The following PDE3B variants were observed in gnomAD, a reference collection of about 807,000 sequenced individuals.
PDE3B encodes phosphodiesterase 3B, also known as cGMP-inhibited 3',5'-cyclic phosphodiesterase 3B.
In PDE3B, 66 loss-of-function variants were observed where a neutral mutation model predicts 116.8. The observed-to-expected ratio is 0.56, with a 90% CI of 0.46 to 0.69. The LOEUF is 0.69. Among genes scored for constraint, PDE3B ranks in the 30% least tolerant of loss-of-function variants. The pLI is 0.00. For synonymous variants in PDE3B, 595 were observed against 533.6 expected (o/e 1.12, Z -1.59); for missense variants, 1,384 against 1,368.1 (o/e 1.01, Z -0.18).
intron 2 of PDE3B, 99 bp from the exon 3 acceptor site, chr11:14,786,338 C>CATAT (rs140703300): frequency 1.0e-5 from 8 of 774,634 alleles, no homozygotes; most frequent in African/African-American, 3.6e-5. Context: ...TTATTTGCTA[C>CATAT]ATATATATAT....
rs190988387 is a variant in PDE3B, at chr11:14,733,490, A to G, written c.979-38447A>G. Among the ~76,000 whole-genome samples the G allele has an allele frequency of 2.0e-3, 299 of 152,320 alleles. 1 individual carries two copies. The highest frequency in any genetic ancestry group is 6.6e-3 in the African/African-American group (275 of 41,566). On this transcript the variant is annotated intron_variant, in intron 1 of 15. Transcript: ENST00000282096. ...GAGTTCTGAAATCTTGGTGAATTAAATTCATGAATGCTACCATAGTGATTT... is the reference window on the plus strand; with the variant it reads ...GAGTTCTGAAATCTTGGTGAATTAAGTTCATGAATGCTACCATAGTGATTT...
At chr11:14,682,343 T>A (rs1854736477) in intron 1 of PDE3B, among the ~76,000 whole-genome samples, 2 of 152,234 alleles carry the variant, frequency 1.3e-5, no homozygotes, top group African/African-American at 4.8e-5. Flanking sequence ...TTATTTGTTA[T>A]TTTCCTGCTT....
At chr11:14,737,950 A>C (rs546441679) in intron 1 of PDE3B, among the ~76,000 whole-genome samples, 164 of 152,270 alleles carry the variant, frequency 1.1e-3, no homozygotes, top group African/African-American at 3.2e-3. Flanking sequence ...ACATGAACTC[A>C]TCATTTTTTA....
chr11:14,715,070 G>A (rs1267961386), intron 1 of PDE3B, among the ~76,000 whole-genome samples: 1 of 151,974 alleles, frequency 6.6e-6, no homozygotes, highest in Non-Finnish European at 1.5e-5. Flanking sequence ...AATAAAGATT[G>A]TATGTGAATG....
At chr11:14,726,409 A>G (rs1407092030) in intron 1 of PDE3B, among the ~76,000 whole-genome samples, 1 of 152,032 alleles carries the variant, frequency 6.6e-6, no homozygotes, top group African/African-American at 2.4e-5. Context: ...ATTTTTTTTT[A>G]GTGAATGAAT....
the PDE3B span, among the ~76,000 whole-genome samples, chr11:14,885,536 AT>A: frequency 2.0e-5 from 3 of 152,172 alleles, no homozygotes; most frequent in East Asian, 5.8e-4. Context: ...TTAGGTGTTG[AT>A]TCTTTAAAAC....
chr11:14,788,836 A>C, intron 3 of PDE3B: 1 of 237,226 alleles, frequency 4.2e-6, no homozygotes, highest in Non-Finnish European at 8.0e-6. Flanking sequence ...GTTTCTTATG[A>C]AACAAGTAGT....
chr11:14,734,112 C>T (rs1856534168), intron 1 of PDE3B, among the ~76,000 whole-genome samples: 1 of 152,170 alleles, frequency 6.6e-6, no homozygotes, highest in African/African-American at 2.4e-5. Flanking sequence ...TGATCTGCTG[C>T]CCAGGCTGGA....
chr11:14,880,702 C>T, the PDE3B span: 14 of 1,597,266 alleles, frequency 8.8e-6, no homozygotes, highest in South Asian at 1.1e-5. Context: ...TCCAAAATAT[C>T]GAAAACTGTT....
chr11:14,688,113 T>TCTCTCTCTC (rs1854931993), intron 1 of PDE3B, among the ~76,000 whole-genome samples: 1 of 109,880 alleles, frequency 9.1e-6, no homozygotes, highest in African/African-American at 3.5e-5. Flanking sequence ...CTCTCTCTCT[T>TCTCTCTCTC]TCTCTCTCTC....
chr11:14,662,319 A>G (rs1225760633), intron 1 of PDE3B, among the ~76,000 whole-genome samples: 1 of 152,194 alleles, frequency 6.6e-6, no homozygotes, highest in Non-Finnish European at 1.5e-5. Flanking sequence ...CATCACCATC[A>G]TCAAAGACCA....
In PDE3B at chr11:14,643,948, C is replaced by A; in HGVS notation, c.-128C>A. On this transcript the variant is annotated 5_prime_UTR_variant, in exon 1 of 16. Coordinates refer to ENST00000282096, the MANE Select transcript of PDE3B (RefSeq NM_000922.4). Reference sequence around the variant, plus strand: ...GGTGGGGACCCCGGGCCGTGGCGGCCGGCGCAGCCCTGACGGGTTGCGAAC... The same window carrying A: ...GGTGGGGACCCCGGGCCGTGGCGGCAGGCGCAGCCCTGACGGGTTGCGAAC... 1 of 1,310,230 alleles carries A rather than the reference C, an allele frequency of 7.6e-7. No individual in the cohort carries two copies. Among genetic ancestry groups the A allele is most frequent in the Non-Finnish European group, 9.8e-7 (1 of 1,024,368 alleles). 81.2% of individuals were successfully genotyped at this position (1,310,230 alleles called of 1,614,324 possible).
chr11:14,739,655 G>A (rs1275246823), intron 1 of PDE3B, among the ~76,000 whole-genome samples: 2 of 152,182 alleles, frequency 1.3e-5, no homozygotes, highest in African/African-American at 2.4e-5. Context: ...TAGGAGTGCT[G>A]AGAGAGGGCA....
chr11:14,715,363 T>A (rs1187656658), intron 1 of PDE3B, among the ~76,000 whole-genome samples: 3 of 152,210 alleles, frequency 2.0e-5, no homozygotes, highest in African/African-American at 7.2e-5. Flanking sequence ...TATGGCCATT[T>A]TCACGATATT....
intron 8 of PDE3B, among the ~76,000 whole-genome samples, chr11:14,831,109 C>G (rs1460268914): frequency 6.6e-6 from 1 of 151,356 alleles, no homozygotes; most frequent in Non-Finnish European, 1.5e-5. Flanking sequence ...ATATTATTTT[C>G]TATTCTGATA....
chr11:14,644,136 G>C lies in PDE3B; in HGVS notation c.61G>C (p.Gly21Arg), dbSNP rs949148704. 1.3e-6 allele frequency: 2 copies of C among 1,588,046 alleles called. No homozygotes were observed. Among genetic ancestry groups the C allele is most frequent in the East Asian group, 2.3e-5 (1 of 43,526 alleles). Residue 21 changes from glycine to arginine, a missense_variant, in exon 1 of 16, where the codon GGC (glycine) becomes CGC (arginine). Around this residue, in one of 2 missense-constraint regions of PDE3B, gnomAD observed 956 missense variants for 806.8 expected, o/e 1.18. Transcript: ENST00000282096. ...MRSLQPPDGA[G>R]SPPESLRNGY... is the part of the protein sequence containing the mutation. ...GTCCCTGCAGCCGCCGGATGGGGCC[G>C]GCTCGCCCCCCGAGAGTCTGAGGAA...
At chr11:14,756,180 T>G (rs1230556514) in intron 1 of PDE3B, among the ~76,000 whole-genome samples, 1 of 152,190 alleles carries the variant, frequency 6.6e-6, no homozygotes, top group Non-Finnish European at 1.5e-5. Context: ...TGCAAGTGTT[T>G]CTGCTGGATA....
At chr11:14,734,560 T>G (rs1193796325) in intron 1 of PDE3B, among the ~76,000 whole-genome samples, 1 of 152,230 alleles carries the variant, frequency 6.6e-6, no homozygotes. Flanking sequence ...TCAGCATGTA[T>G]TGCATGATTA....
intron 12 of PDE3B, among the ~76,000 whole-genome samples, chr11:14,846,588 G>T (rs1170293162): frequency 1.3e-5 from 2 of 152,120 alleles, no homozygotes; most frequent in Non-Finnish European, 2.9e-5. Flanking sequence ...CTGTATTCAG[G>T]AAACCCATCT....
Sources: gnomAD v4.1 joint callset for allele counts (sites outside exome capture counted in the v4.1 genomes callset) on GRCh38, gnomAD v4.1.1 for gene constraint, gnomAD v4.1.1 regional missense constraint, MANE v1.5 for transcripts, NCBI Gene and HGNC (gene_info 2026-07-23, HGNC 2026-07-21) for gene names.